The following TUT1 variants were observed in gnomAD, a reference collection of about 807,000 sequenced individuals.
TUT1 encodes the protein speckle targeted PIP5K1A-regulated poly(A) polymerase.
Under a neutral mutation model 48.8 loss-of-function variants are expected in TUT1, and 26 were observed. The observed-to-expected ratio is 0.53, with a 90% confidence interval of 0.39 to 0.74. The LOEUF (loss-of-function observed/expected upper bound fraction) is 0.74. Ranked by LOEUF, TUT1 falls within the 30% of genes least tolerant of loss-of-function variation. The pLI is 0.00. For synonymous variants in TUT1, 470 were observed against 460.8 expected (o/e 1.02, Z -0.26); for missense variants, 1,065 against 1,114.8 (o/e 0.96, Z 0.64).
chr11:62,579,410 G>T (rs1941789872), intron 4 of TUT1, among the ~76,000 whole-genome samples: 1 of 152,138 alleles, frequency 6.6e-6, no homozygotes, highest in Admixed American at 6.5e-5. Context: ...TTATACACTA[G>T]AATACCTTTA....
intron 2 of TUT1, among the ~76,000 whole-genome samples, chr11:62,585,162 C>A (rs1484860718): frequency 6.6e-6 from 1 of 152,058 alleles, no homozygotes; most frequent in Non-Finnish European, 1.5e-5. Flanking sequence ...GCTCTGTCAC[C>A]AAGACTGGAG....
At chr11:62,581,324 G>T in intron 3 of TUT1, 62 bp downstream of exon 3, 1 of 1,563,776 alleles carries the variant, frequency 6.4e-7, no homozygotes, top group Non-Finnish European at 8.7e-7. Flanking sequence ...AAGGACTGGG[G>T]ATACAGACAC....
Position 62,576,969 on chromosome 11 carries a change from T to G in TUT1, c.1319A>C (p.Tyr440Ser). The G allele has an allele frequency of 6.2e-7, 1 of 1,613,908 alleles. No individual in the cohort carries two copies. Among genetic ancestry groups the G allele is most frequent in the Non-Finnish European group, 8.5e-7 (1 of 1,179,980 alleles). ...SNYALTLLVIYFLQTRDPPVL... is the reference protein window; with the variant it reads ...SNYALTLLVISFLQTRDPPVL... Reference sequence around the variant, plus strand: ...AGGAGGGTCCCTGGTCTGAAGAAAATAGATCACCAGCAAGGTCAGGGCGTA... The same window carrying G: ...AGGAGGGTCCCTGGTCTGAAGAAAAGAGATCACCAGCAAGGTCAGGGCGTA... Residue 440 changes from tyrosine (Y) to serine (S), a missense_variant, in exon 7 of 9, where the codon TAT (tyrosine) becomes TCT (serine). By Grantham distance (144) the Tyr-to-Ser change is moderately radical. Coordinates refer to ENST00000476907, the MANE Select transcript of TUT1 (RefSeq NM_022830.3).
intron 1 of TUT1, 76 bp from the exon 2 acceptor site, chr11:62,589,297 A>C: frequency 7.3e-7 from 1 of 1,379,090 alleles, no homozygotes; most frequent in Non-Finnish European, 1.0e-6. Flanking sequence ...GCATACCTAA[A>C]TCTTACTGAT....
intron 2 of TUT1, among the ~76,000 whole-genome samples, chr11:62,584,941 T>G (rs1941885796): frequency 6.6e-6 from 1 of 151,074 alleles, no homozygotes; most frequent in Admixed American, 6.6e-5. Flanking sequence ...CCTGCCTCAG[T>G]CTCCTGAATA....
In TUT1 at chr11:62,575,952, C is replaced by G; in HGVS notation, c.1767G>C (p.Trp589Cys). The G allele has an allele frequency of 1.2e-6, 2 of 1,614,122 alleles. No individual in the cohort carries two copies. The highest frequency in any genetic ancestry group is 1.7e-6 in the Non-Finnish European group (2 of 1,180,032). Residue 589 changes from tryptophan (W) to cysteine (C), a missense_variant, in exon 9 of 9, where the codon TGG becomes TGC. Coordinates refer to ENST00000476907, the MANE Select transcript of TUT1 (RefSeq NM_022830.3). ...TGGGCTGCAGAAGAGGGAGCAGCCC[C>G]CAGTCCCGACCCCGGGAGGAACGGC... ...YQRRSSRGRD[W>C]GLLPLLQPSS...
chr11:62,577,461 T>G (rs1941748281), intron 5 of TUT1, 170 bp from the exon 6 acceptor site: 1 of 608,528 alleles, frequency 1.6e-6, no homozygotes, highest in East Asian at 2.8e-5. Flanking sequence ...GACAAAGGAG[T>G]TCGGGAAACA....
chr11:62,577,446 G>C, intron 5 of TUT1, 155 bp from the exon 6 acceptor site: 1 of 644,708 alleles, frequency 1.6e-6, no homozygotes, highest in Non-Finnish European at 2.7e-6. Context: ...GACAGTGTGC[G>C]AAAGGACAAA....
intron 1 of TUT1, among the ~76,000 whole-genome samples, chr11:62,589,905 G>A (rs188640537): frequency 1.2e-4 from 19 of 152,332 alleles, no homozygotes; most frequent in African/African-American, 3.4e-4. Flanking sequence ...AAGCCTCACT[G>A]TGCATCAACT....
chr11:62,584,163 G>A (rs1941873320), intron 2 of TUT1, among the ~76,000 whole-genome samples: 1 of 136,020 alleles, frequency 7.4e-6, no homozygotes. Context: ...GAGTGTCTCT[G>A]TCACTCAGAC....
intron 5 of TUT1, 53 bp downstream of exon 5, chr11:62,578,508 G>A: frequency 1.3e-6 from 2 of 1,503,482 alleles, no homozygotes; most frequent in South Asian, 1.3e-5. Flanking sequence ...TGGCACCACT[G>A]TACTCCAGCC....
At chr11:62,590,719 G>C (rs1292149492) in intron 1 of TUT1, among the ~76,000 whole-genome samples, 3 of 151,920 alleles carry the variant, frequency 2.0e-5, no homozygotes, top group Admixed American at 2.0e-4. Flanking sequence ...AGGCTAGCCA[G>C]GGGTATGGTT....
chr11:62,584,784 G>A (rs1185500059), intron 2 of TUT1, among the ~76,000 whole-genome samples: 1 of 150,646 alleles, frequency 6.6e-6, no homozygotes. Flanking sequence ...TTACCCAATA[G>A]TAAATAACCA....
chr11:62,591,477 C>T lies in TUT1; in HGVS notation c.9G>A (p.Ala3=), dbSNP rs1424537682. 6.2e-7 allele frequency: 1 copy of T among 1,611,258 alleles called. No individual in the cohort carries two copies. Among genetic ancestry groups the T allele is most frequent in the African/African-American group, 1.3e-5 (1 of 74,878 alleles). Residue 3 remains alanine (A), a synonymous_variant, in exon 1 of 9, where the codon GCG becomes GCA. Coordinates refer to ENST00000476907, the MANE Select transcript of TUT1 (RefSeq NM_022830.3). ...GCAGCGATTCGACATCCGAATCCAC[C>T]GCCGCCATAGCGACTCTCCTGTACC... MA[A]VDSDVESLPR... is the part of the protein sequence containing the mutation.
At chr11:62,578,418 G>A in intron 5 of TUT1, 143 bp downstream of exon 5, 2 of 741,212 alleles carry the variant, frequency 2.7e-6, no homozygotes, top group East Asian at 2.9e-5. Flanking sequence ...GGTGGCGCAT[G>A]CCTGTAATCC....
intron 3 of TUT1, 82 bp from the exon 4 acceptor site, chr11:62,581,288 G>C (rs970636524): frequency 2.9e-5 from 46 of 1,567,416 alleles, no homozygotes; most frequent in Admixed American, 6.9e-5. Context: ...AAAGATGGAA[G>C]AGCAACCAAA....
chr11:62,584,127 ATTTT>A (rs1190506956), intron 2 of TUT1, among the ~76,000 whole-genome samples: 3 of 133,294 alleles, frequency 2.3e-5, no homozygotes, highest in East Asian at 2.1e-4. Flanking sequence ...ACTGAATTGT[ATTTT>A]TTTTTTTTTT....
At position 62,576,677 on chromosome 11, in the gene TUT1, C is replaced by A; in HGVS notation, c.1454G>T (p.Ser485Ile). ...FPRDASRLEP[S>I]INVEPLSSLL... Reference sequence around the variant, plus strand: ...CTCACTGAGGGGCTCCACATTTATGCTGGGCTCCAGTCTTGAGGCATCCCT... The same window carrying A: ...CTCACTGAGGGGCTCCACATTTATGATGGGCTCCAGTCTTGAGGCATCCCT... The change falls in exon 8 of 9, where the codon AGC becomes ATC. Residue 485 changes from serine (S) to isoleucine (I), a missense_variant. By Grantham distance (142) the Ser-to-Ile change is moderately radical. Transcript: ENST00000476907. The A allele has an allele frequency of 6.2e-7, 1 of 1,614,198 alleles. No individual in the cohort carries two copies. The highest frequency in any genetic ancestry group is 1.1e-5 in the South Asian group (1 of 91,084).
chr11:62,581,739 C>T, intron 2 of TUT1, 38 bp from the exon 3 acceptor site: 2 of 1,340,086 alleles, frequency 1.5e-6, no homozygotes, highest in Admixed American at 3.8e-5. Context: ...GATTTTGGAA[C>T]CAAGAATCTA....
Sources: allele counts gnomAD v4.1 joint callset (sites outside exome capture counted in the v4.1 genomes callset), GRCh38; gene constraint gnomAD v4.1.1; transcripts MANE v1.5; gene names NCBI Gene and HGNC (gene_info 2026-07-23, HGNC 2026-07-21).